The following CDK19 variants were observed in gnomAD, a reference collection of about 807,000 sequenced individuals.
The protein encoded by CDK19 is cyclin-dependent kinase 19.
In CDK19, 20 loss-of-function variants were observed where a neutral mutation model predicts 68.3. That is an observed-to-expected ratio of 0.29 (90% CI 0.21 to 0.43). The LOEUF (loss-of-function observed/expected upper bound fraction) is 0.43, where lower values mean the gene tolerates loss of function less well. Among genes scored for constraint, CDK19 ranks in the 20% least tolerant of loss-of-function variants. The pLI, the probability that CDK19 is intolerant of heterozygous loss-of-function variation, is 1.00. For synonymous variants in CDK19, 221 were observed against 222.8 expected, an observed-to-expected ratio of 0.99 and a Z score of 0.07; for missense variants, 339 against 623.5, an observed-to-expected ratio of 0.54 and a Z score of 4.86.
In CDK19 at chr6:110,737,244, C is replaced by T. The variant is rs72952032; in HGVS notation, c.204+8882G>A. Among the ~76,000 whole-genome samples, 278 of 152,352 alleles carry T rather than the reference C, an allele frequency of 1.8e-3. 3 individuals carry two copies. The highest frequency in any genetic ancestry group is 2.9e-3 in the Non-Finnish European group (196 of 68,038). ...ACCATAACACACACACAAATACACA[C>T]ACACATCAGAAACTGATGAGCAAAG... On this transcript the variant is annotated intron_variant, in intron 2 of 12. Coordinates refer to ENST00000368911, the MANE Select transcript of CDK19 (RefSeq NM_015076.5).
At chr6:110,801,749 G>C (rs1782361083) in intron 1 of CDK19, among the ~76,000 whole-genome samples, 1 of 152,120 alleles carries the variant, frequency 6.6e-6, no homozygotes, top group Non-Finnish European at 1.5e-5. Flanking sequence ...CTGACCTCGT[G>C]ATCCACCTGC....
chr6:110,641,690 G>T (rs1780196560), intron 4 of CDK19, among the ~76,000 whole-genome samples: 1 of 149,854 alleles, frequency 6.7e-6, no homozygotes, highest in Admixed American at 6.7e-5. Flanking sequence ...AGGAAGGAGG[G>T]ACAAGGCAGA....
intron 2 of CDK19, among the ~76,000 whole-genome samples, chr6:110,716,812 C>G (rs1195975798): frequency 6.6e-6 from 1 of 152,126 alleles, no homozygotes; most frequent in East Asian, 1.9e-4. Context: ...GTCCAGTGAT[C>G]CAGTGGTCCA....
At chr6:110,781,171 A>G (rs1177967198) in intron 1 of CDK19, among the ~76,000 whole-genome samples, 1 of 152,220 alleles carries the variant, frequency 6.6e-6, no homozygotes, top group Non-Finnish European at 1.5e-5. Context: ...TCTGCAGGCC[A>G]TATAAGAAAC....
intron 4 of CDK19, chr6:110,646,317 C>A (rs1327976772): frequency 1.5e-5 from 22 of 1,485,826 alleles, no homozygotes; most frequent in Non-Finnish European, 1.9e-5. Context: ...CGACTACCTG[C>A]GCGAACGGGC....
At chr6:110,718,802 TGC>T (rs891911167) in intron 2 of CDK19, among the ~76,000 whole-genome samples, 1 of 152,144 alleles carries the variant, frequency 6.6e-6, no homozygotes, top group Non-Finnish European at 1.5e-5. Context: ...AAGGAGTATA[TGC>T]AAAAAAGCAA....
chr6:110,768,149 T>C (rs564208299), intron 1 of CDK19, among the ~76,000 whole-genome samples: 1 of 152,226 alleles, frequency 6.6e-6, no homozygotes, highest in Non-Finnish European at 1.5e-5. Flanking sequence ...CATGAAAAGA[T>C]GCTCAACTCT....
At chr6:110,630,534 T>C (rs1029214140) in intron 6 of CDK19, among the ~76,000 whole-genome samples, 1 of 152,192 alleles carries the variant, frequency 6.6e-6, no homozygotes, top group Non-Finnish European at 1.5e-5. Flanking sequence ...GTCTCAAAAA[T>C]ACAGCTCCAT....
chr6:110,645,338 A>T (rs544924070), intron 4 of CDK19, among the ~76,000 whole-genome samples: 1 of 152,224 alleles, frequency 6.6e-6, no homozygotes, highest in Non-Finnish European at 1.5e-5. Flanking sequence ...GAGAAACCAT[A>T]AAAGTTTAAA....
intron 1 of CDK19, among the ~76,000 whole-genome samples, chr6:110,767,590 A>C (rs1258295063): frequency 6.6e-6 from 1 of 151,858 alleles, no homozygotes; most frequent in Non-Finnish European, 1.5e-5. Flanking sequence ...TCCTGACCTC[A>C]GGTGATCCAC....
chr6:110,629,286 T>C (rs1779290702), intron 6 of CDK19, among the ~76,000 whole-genome samples: 1 of 152,220 alleles, frequency 6.6e-6, no homozygotes, highest in Non-Finnish European at 1.5e-5. Context: ...ATCTGGCTCC[T>C]GCACCATCTG....
chr6:110,732,178 C>G (rs1162654481), intron 2 of CDK19, among the ~76,000 whole-genome samples: 7 of 151,838 alleles, frequency 4.6e-5, no homozygotes, highest in African/African-American at 1.2e-4. Flanking sequence ...ATACTTCTCA[C>G]CAATTCCTCC....
chr6:110,660,704 T>C (rs1357079239), intron 4 of CDK19, among the ~76,000 whole-genome samples: 1 of 152,218 alleles, frequency 6.6e-6, no homozygotes, highest in Non-Finnish European at 1.5e-5. Context: ...GCTGTCCTTC[T>C]GAAGTCAAGC....
intron 2 of CDK19, among the ~76,000 whole-genome samples, chr6:110,698,842 G>C (rs1773724934): frequency 6.6e-6 from 1 of 152,072 alleles, no homozygotes; most frequent in Non-Finnish European, 1.5e-5. Context: ...ACTTTGGGAA[G>C]CCAAGGTGGG....
At chr6:110,645,913 C>A (rs1780535973) in intron 4 of CDK19, 1 of 885,396 alleles carries the variant, frequency 1.1e-6, no homozygotes, top group Non-Finnish European at 1.8e-6. Context: ...CGAACTGTGC[C>A]GGGACAGCAG....
At chr6:110,719,972 G>GCCCCC (rs1167384607) in intron 2 of CDK19, among the ~76,000 whole-genome samples, 1 of 45,520 alleles carries the variant, frequency 2.2e-5, no homozygotes, top group Non-Finnish European at 4.2e-5. Flanking sequence ...CTTGTGATCC[G>GCCCCC]CCCCCCCCCC....
chr6:110,798,399 TG>T (rs1465712787), intron 1 of CDK19, among the ~76,000 whole-genome samples: 1 of 152,012 alleles, frequency 6.6e-6, no homozygotes, highest in Non-Finnish European at 1.5e-5. Context: ...CCGAGGCAAG[TG>T]GATCACCAGA....
chr6:110,803,059 C>T (rs974602064), intron 1 of CDK19, among the ~76,000 whole-genome samples: 11 of 151,840 alleles, frequency 7.2e-5, no homozygotes, highest in Non-Finnish European at 1.6e-4. Flanking sequence ...CCGGCACAGA[C>T]AGTAAGAAGG....
At position 110,649,285 on chromosome 6, in the gene CDK19, G is replaced by A. The variant is rs113153097; in HGVS notation, c.457-10579C>T. Among the ~76,000 whole-genome samples, 3 of 152,092 alleles carry A rather than the reference G, an allele frequency of 2.0e-5. 1 individual carries two copies. The South Asian group carries it at 6.2e-4, about 32-fold the overall frequency. On this transcript the variant is annotated intron_variant, in intron 4 of 12. Coordinates refer to ENST00000368911, the MANE Select transcript of CDK19 (RefSeq NM_015076.5). Reference sequence around the variant, plus strand: ...AGAAAGGAGGATCTGTTCAATAAATGGTGTTGGTACAACAAGTTATCTAAA... The same window carrying A: ...AGAAAGGAGGATCTGTTCAATAAATAGTGTTGGTACAACAAGTTATCTAAA...
Sources: gnomAD v4.1 joint callset for allele counts (sites outside exome capture counted in the v4.1 genomes callset) on GRCh38, gnomAD v4.1.1 for gene constraint, MANE v1.5 for transcripts, NCBI Gene and HGNC (gene_info 2026-07-23, HGNC 2026-07-21) for gene names.